E2F3: variants seen among roughly 807,000 people sequenced by gnomAD.
The protein encoded by E2F3 is transcription factor E2F3.
In E2F3, 11 loss-of-function variants were observed where a neutral mutation model predicts 44.4. The ratio of observed to expected loss-of-function variants is 0.25; its 90% CI spans 0.16 to 0.41. The LOEUF (loss-of-function observed/expected upper bound fraction) is 0.41. E2F3 is among the 10% of genes least tolerant of loss of function. The probability of loss-of-function intolerance (pLI) is 1.00; values close to 1 mark genes in which losing one functional copy is unlikely to be tolerated. For missense variants in E2F3, 487 were observed against 583.6 expected, an observed-to-expected ratio of 0.83 and a Z score of 1.70; for synonymous variants, 249 against 253.0, an observed-to-expected ratio of 0.98 and a Z score of 0.15.
At chr6:20,444,168 A>G (rs1391234216) in intron 1 of E2F3, among the ~76,000 whole-genome samples, 4 of 152,230 alleles carry the variant, frequency 2.6e-5, no homozygotes, top group Admixed American at 6.5e-5. Context: ...TAGCCTGGGC[A>G]GCAGAGCGAG....
At chr6:20,473,390 T>C (rs1242033334) in intron 1 of E2F3, among the ~76,000 whole-genome samples, 1 of 152,174 alleles carries the variant, frequency 6.6e-6, no homozygotes, top group Non-Finnish European at 1.5e-5. Context: ...TTTTCTTCTA[T>C]AAAATAAGAA....
At chr6:20,452,676 G>A (rs1420704849) in intron 1 of E2F3, among the ~76,000 whole-genome samples, 6 of 152,144 alleles carry the variant, frequency 3.9e-5, no homozygotes, top group Non-Finnish European at 7.4e-5. Flanking sequence ...TTGGCCAGGT[G>A]CGGTGGCTCA....
In E2F3 at chr6:20,467,613, G is replaced by A. The variant is rs114177934; in HGVS notation, c.394-12233G>A. ...TGCATAATTTTTCCCTTGTGGGAGC[G>A]AGGTTCTGTGAGTCTACTGGCTGAA... On this transcript the variant is annotated intron_variant, in intron 1 of 6. Transcript: ENST00000346618. 7.9e-3 allele frequency among the ~76,000 whole-genome samples: 1,206 copies of A among 152,240 alleles called. 14 individuals are homozygous for A. Among genetic ancestry groups the A allele is most frequent in the African/African-American group, 0.027 (1,126 of 41,556 alleles).
chr6:20,448,468 C>T (rs1761020774), intron 1 of E2F3, among the ~76,000 whole-genome samples: 1 of 152,120 alleles, frequency 6.6e-6, no homozygotes, highest in South Asian at 2.1e-4. Flanking sequence ...TATGTATACA[C>T]ACACACACAC....
intron 6 of E2F3, 104 bp downstream of exon 6, chr6:20,488,352 T>G: frequency 1.5e-6 from 2 of 1,341,340 alleles, no homozygotes; most frequent in South Asian, 3.1e-5. Flanking sequence ...CAAACTTCTA[T>G]TGGTATTAGG....
intron 1 of E2F3, among the ~76,000 whole-genome samples, chr6:20,457,350 T>TTTC (rs1761342049): frequency 7.0e-6 from 1 of 143,604 alleles, no homozygotes; most frequent in Admixed American, 7.0e-5. Context: ...TATTTTTTCT[T>TTTC]TTTTTTTTTT....
intron 2 of E2F3, among the ~76,000 whole-genome samples, chr6:20,480,697 A>G (rs1306985116): frequency 6.6e-6 from 1 of 152,204 alleles, no homozygotes; most frequent in Admixed American, 6.5e-5. Context: ...ATCAAAATGA[A>G]GCATTGTTTG....
chr6:20,435,280 T>C (rs1301431887), intron 1 of E2F3, among the ~76,000 whole-genome samples: 1 of 152,126 alleles, frequency 6.6e-6, no homozygotes, highest in Non-Finnish European at 1.5e-5. Context: ...ACCTGGCCGA[T>C]GTGCCCCAAG....
At chr6:20,474,310 G>A (rs1025885903) in intron 1 of E2F3, among the ~76,000 whole-genome samples, 1 of 152,200 alleles carries the variant, frequency 6.6e-6, no homozygotes, top group Admixed American at 6.5e-5. Flanking sequence ...GCAGAGGCAT[G>A]TTAACGTCCA....
chr6:20,484,396 C>T (rs1248375690), intron 4 of E2F3, among the ~76,000 whole-genome samples: 3 of 152,192 alleles, frequency 2.0e-5, no homozygotes, highest in South Asian at 4.1e-4. Context: ...GTTGAGTAAT[C>T]GTAGATGAGT....
intron 1 of E2F3, among the ~76,000 whole-genome samples, chr6:20,425,831 C>T (rs950894694): frequency 2.0e-5 from 3 of 152,186 alleles, no homozygotes; most frequent in African/African-American, 4.8e-5. Flanking sequence ...TCTAAATTAC[C>T]TAACAGTTTG....
Position 20,424,969 on chromosome 6 carries a change from C to T in E2F3, c.393+22344C>T, listed in dbSNP as rs1414202481. ...AGACACGTGGGGTTTTCTCACATGACGAGGGCAGGCCATTGTCTAGGGCGG... is the reference window on the plus strand; with the variant it reads ...AGACACGTGGGGTTTTCTCACATGATGAGGGCAGGCCATTGTCTAGGGCGG... On this transcript the variant is annotated intron_variant, in intron 1 of 6. Coordinates refer to ENST00000346618, the MANE Select transcript of E2F3 (RefSeq NM_001949.5). 5.3e-5 allele frequency among the ~76,000 whole-genome samples: 8 copies of T among 152,248 alleles called. 1 individual carries two copies. Among genetic ancestry groups the T allele is most frequent in the Admixed American group, 3.9e-4 (6 of 15,298 alleles).
intron 1 of E2F3, among the ~76,000 whole-genome samples, chr6:20,426,876 G>T (rs1013071609): frequency 1.9e-4 from 29 of 152,138 alleles, no homozygotes; most frequent in Admixed American, 1.9e-3. Flanking sequence ...CACTGTAACT[G>T]TAGCTCCACT....
chr6:20,404,754 G>C (rs528817841), intron 1 of E2F3, among the ~76,000 whole-genome samples: 4 of 152,308 alleles, frequency 2.6e-5, no homozygotes, highest in East Asian at 1.9e-4. Flanking sequence ...CTGCCAGCAG[G>C]GGGGAAACGG....
chr6:20,422,979 G>A (rs2127590426), intron 1 of E2F3, among the ~76,000 whole-genome samples: 1 of 152,278 alleles, frequency 6.6e-6, no homozygotes, highest in East Asian at 1.9e-4. Flanking sequence ...TTGATGCAGG[G>A]TTGTCACAAA....
At chr6:20,404,071 AT>A (rs1759408044) in intron 1 of E2F3, among the ~76,000 whole-genome samples, 1 of 149,758 alleles carries the variant, frequency 6.7e-6, no homozygotes, top group Non-Finnish European at 1.5e-5. Context: ...GTTTACGTGG[AT>A]TTTTTTTCTA....
chr6:20,470,358 T>G (rs552153898), intron 1 of E2F3, among the ~76,000 whole-genome samples: 1 of 152,368 alleles, frequency 6.6e-6, no homozygotes, highest in African/African-American at 2.4e-5. Context: ...CATGCAGGGC[T>G]TGGTACATAG....
intron 1 of E2F3, among the ~76,000 whole-genome samples, chr6:20,457,361 T>TTA (rs1761344334): frequency 6.8e-6 from 1 of 147,304 alleles, no homozygotes; most frequent in African/African-American, 2.5e-5. Context: ...TTTTTTTTTT[T>TTA]TTTTTTTAGT....
At chr6:20,487,864 G>A (rs1762440421) in intron 5 of E2F3, among the ~76,000 whole-genome samples, 1 of 152,152 alleles carries the variant, frequency 6.6e-6, no homozygotes, top group South Asian at 2.1e-4. Flanking sequence ...TAAACAATGG[G>A]AATGGATGTG....
Sources: gnomAD v4.1 joint callset for allele counts (sites outside exome capture counted in the v4.1 genomes callset) on GRCh38, gnomAD v4.1.1 for gene constraint, MANE v1.5 for transcripts, NCBI Gene and HGNC (gene_info 2026-07-23, HGNC 2026-07-21) for gene names.